SLC9A9: variants seen among roughly 807,000 people sequenced by gnomAD.
SLC9A9 encodes sodium/hydrogen exchanger 9.
A neutral mutation model predicts 77.8 loss-of-function variants in SLC9A9; 62 were observed. The observed-to-expected ratio is 0.80, with a 90% CI of 0.65 to 0.98. The LOEUF (loss-of-function observed/expected upper bound fraction) is 0.98. Ranked by LOEUF, SLC9A9 falls within the 50% of genes least tolerant of loss-of-function variation. The pLI, the probability that SLC9A9 is intolerant of heterozygous loss-of-function variation, is 0.00. For missense variants in SLC9A9, 775 were observed against 774.9 expected (o/e 1.00, Z 0.00); for synonymous variants, 320 against 283.5 (o/e 1.13, Z -1.29).
In SLC9A9 at chr3:143,777,960, G is replaced by A. The variant is rs539100881; in HGVS notation, c.533+17041C>T. Among the ~76,000 whole-genome samples, 9 of 128,980 alleles carry A rather than the reference G, an allele frequency of 7.0e-5. No homozygotes were observed. The South Asian group carries it at 1.3e-3, about 18-fold the overall frequency. The allele number at this position is 128,980 out of a possible 152,430, so 84.6% of individuals were successfully genotyped here. A position where few individuals can be genotyped will look rare whatever the true frequency, so the allele number is the denominator to read the frequency against. On this transcript the variant is annotated intron_variant, in intron 4 of 15. Transcript: ENST00000316549. ...GAACTTCTGACCTCATGATCCACCCGCCTTGGCCTCCCAAACTGCTGGGAT... is the reference window on the plus strand; with the variant it reads ...GAACTTCTGACCTCATGATCCACCCACCTTGGCCTCCCAAACTGCTGGGAT...
intron 4 of SLC9A9, among the ~76,000 whole-genome samples, chr3:143,749,555 T>C (rs1434509931): frequency 6.6e-6 from 1 of 152,184 alleles, no homozygotes; most frequent in Non-Finnish European, 1.5e-5. Context: ...AAATACAAAA[T>C]TAAAAAGCAA....
At chr3:143,687,446 G>A (rs906775950) in intron 5 of SLC9A9, among the ~76,000 whole-genome samples, 1 of 151,986 alleles carries the variant, frequency 6.6e-6, no homozygotes, top group African/African-American at 2.4e-5. Flanking sequence ...GAGTGGGTTC[G>A]GCATGTTTTA....
At chr3:143,737,744 CT>C (rs1934978326) in intron 4 of SLC9A9, among the ~76,000 whole-genome samples, 1 of 152,020 alleles carries the variant, frequency 6.6e-6, no homozygotes, top group Non-Finnish European at 1.5e-5. Context: ...ACTTAATTTT[CT>C]TTTAAATAAG....
At chr3:143,552,876 G>A (rs2036917173) in intron 8 of SLC9A9, among the ~76,000 whole-genome samples, 1 of 152,066 alleles carries the variant, frequency 6.6e-6, no homozygotes, top group Non-Finnish European at 1.5e-5. Context: ...GTATACTTTG[G>A]GTAGCCTAAA....
chr3:143,461,684 A>G (rs536624008), intron 12 of SLC9A9, among the ~76,000 whole-genome samples: 7 of 152,312 alleles, frequency 4.6e-5, no homozygotes, highest in African/African-American at 1.7e-4. Flanking sequence ...GTCTAACTCC[A>G]CAGTATATGT....
chr3:143,817,140 T>A (rs1346472677), intron 2 of SLC9A9, among the ~76,000 whole-genome samples: 1 of 101,346 alleles, frequency 9.9e-6, no homozygotes, highest in African/African-American at 3.0e-5. Context: ...TTTATTTTTT[T>A]TTTTATTTTT....
At chr3:143,524,164 T>G (rs2036364168) in intron 9 of SLC9A9, among the ~76,000 whole-genome samples, 1 of 127,000 alleles carries the variant, frequency 7.9e-6, no homozygotes, top group African/African-American at 3.0e-5. Context: ...CAATGAAAAA[T>G]GCTACACTGA....
At chr3:143,573,935 C>A (rs571957860) in intron 8 of SLC9A9, among the ~76,000 whole-genome samples, 153 bp downstream of exon 8, 2 of 152,144 alleles carry the variant, frequency 1.3e-5, no homozygotes, top group Admixed American at 1.3e-4. Context: ...TTCTCTCCAG[C>A]GTACCCAAGA....
At chr3:143,668,924 CCTTTCT>C (rs2039117380) in intron 5 of SLC9A9, among the ~76,000 whole-genome samples, 2 of 152,138 alleles carry the variant, frequency 1.3e-5, no homozygotes, top group Non-Finnish European at 2.9e-5. Flanking sequence ...CAATTCTTGT[CCTTTCT>C]TGGCCGCTTT....
At chr3:143,492,248 C>A (rs1386937339) in intron 11 of SLC9A9, among the ~76,000 whole-genome samples, 5 of 149,580 alleles carry the variant, frequency 3.3e-5, no homozygotes, top group Admixed American at 2.7e-4. Flanking sequence ...GCCGAGATCA[C>A]ACCACTGCAC....
chr3:143,592,136 A>T (rs890987105), intron 6 of SLC9A9, among the ~76,000 whole-genome samples: 1 of 152,266 alleles, frequency 6.6e-6, no homozygotes, highest in Non-Finnish European at 1.5e-5. Flanking sequence ...TGACAGTAGA[A>T]CAAGGAGGGA....
chr3:143,286,909 TTAAAGCAAAATGAGGCTCCAC>T (rs1481103538), intron 14 of SLC9A9, among the ~76,000 whole-genome samples: 1 of 152,226 alleles, frequency 6.6e-6, no homozygotes, highest in East Asian at 1.9e-4. Flanking sequence ...ATTAGGAATC[TTAAAGCAAAATGAGGCTCCAC>T]TAGTTCTGGA....
At chr3:143,777,887 G>T (rs1045803418) in intron 4 of SLC9A9, among the ~76,000 whole-genome samples, 1 of 151,468 alleles carries the variant, frequency 6.6e-6, no homozygotes. Flanking sequence ...GCTAATTTTT[G>T]TATTTTTAGT....
At chr3:143,647,127 T>C (rs968494731) in intron 6 of SLC9A9, among the ~76,000 whole-genome samples, 19 of 152,158 alleles carry the variant, frequency 1.2e-4, no homozygotes, top group African/African-American at 4.6e-4. Flanking sequence ...CTGATTTAGG[T>C]GTTTTATGTT....
At chr3:143,355,748 G>A (rs1280508664) in intron 14 of SLC9A9, among the ~76,000 whole-genome samples, 2 of 152,152 alleles carry the variant, frequency 1.3e-5, no homozygotes, top group Admixed American at 6.5e-5. Flanking sequence ...CCTGGCATGT[G>A]GTAGACTTGA....
At chr3:143,284,192 C>A (rs572981103) in intron 14 of SLC9A9, among the ~76,000 whole-genome samples, 1 of 152,170 alleles carries the variant, frequency 6.6e-6, no homozygotes, top group South Asian at 2.1e-4. Context: ...CATTTACTTA[C>A]GATTATTTAC....
chr3:143,336,102 T>A (rs2031912734), intron 14 of SLC9A9, among the ~76,000 whole-genome samples: 1 of 152,144 alleles, frequency 6.6e-6, no homozygotes, highest in African/African-American at 2.4e-5. Flanking sequence ...AGGGCTTGAA[T>A]GGGACATTTC....
intron 6 of SLC9A9, among the ~76,000 whole-genome samples, chr3:143,609,680 A>G (rs189535282): frequency 5.3e-5 from 8 of 152,184 alleles, no homozygotes; most frequent in Admixed American, 3.9e-4. Context: ...GCAAAGTTAC[A>G]CCCTTTCTAT....
intron 4 of SLC9A9, among the ~76,000 whole-genome samples, chr3:143,735,954 T>C (rs541999112): frequency 1.3e-5 from 2 of 152,374 alleles, no homozygotes; most frequent in African/African-American, 2.4e-5. Flanking sequence ...TTCTTTCCCA[T>C]GTGCTGTCAT....
Sources: allele counts gnomAD v4.1 joint callset (sites outside exome capture counted in the v4.1 genomes callset), GRCh38; gene constraint gnomAD v4.1.1; transcripts MANE v1.5; gene names NCBI Gene and HGNC (gene_info 2026-07-23, HGNC 2026-07-21).